Variants in MCC observed in about 807,000 individuals in gnomAD.
MCC encodes colorectal mutant cancer protein.
A neutral mutation model predicts 116.2 loss-of-function variants in MCC; 90 were observed. That is an observed-to-expected ratio of 0.77 (90% CI 0.65 to 0.92). The LOEUF (loss-of-function observed/expected upper bound fraction) is 0.92. Among genes scored for constraint, MCC ranks in the 40% least tolerant of loss-of-function variants. The pLI is 0.00. For synonymous variants in MCC, 578 were observed against 510.5 expected (o/e 1.13, Z -1.78); for missense variants, 1,516 against 1,312.2 (o/e 1.16, Z -2.40).
rs752300335 is a variant in MCC, at chr5:113,434,072, G to A, written c.171-48860C>T. 35 of 1,614,048 alleles carry A rather than the reference G, an allele frequency of 2.2e-5. No individual in the cohort carries two copies. The South Asian group carries it at 3.2e-4, about 15-fold the overall frequency. On this transcript the variant is annotated intron_variant, in intron 1 of 18. Transcript: ENST00000408903. The surrounding 1 kb of genome is among the most constrained non-coding windows in gnomAD (Gnocchi z 4.2). ...CGTCGATGTGGAGCCGCCGGTTGAC[G>A]TCGGGCTGCAGCATGTGGTAGATGA...
chr5:113,059,695 C>G (rs894816370), intron 14 of MCC, among the ~76,000 whole-genome samples: 1 of 152,218 alleles, frequency 6.6e-6, no homozygotes, highest in Non-Finnish European at 1.5e-5. Flanking sequence ...GTGGGTTTCT[C>G]CTTTCCGTGA....
chr5:113,106,688 A>T (rs10043009), intron 6 of MCC, among the ~76,000 whole-genome samples: 83,955 of 151,598 alleles, frequency 0.55, 25,191 homozygotes, highest in African/African-American at 0.8. Flanking sequence ...GCCTCCCAAG[A>T]TGCTGGGACT....
intron 2 of MCC, among the ~76,000 whole-genome samples, chr5:113,344,927 A>T (rs950464281): frequency 1.3e-5 from 2 of 151,808 alleles, no homozygotes; most frequent in Non-Finnish European, 2.9e-5. Flanking sequence ...AGTAAAGAGG[A>T]CTCTGTCTTG....
At chr5:113,049,530 G>C (rs1231135311) in intron 15 of MCC, among the ~76,000 whole-genome samples, 1 of 152,244 alleles carries the variant, frequency 6.6e-6, no homozygotes, top group Non-Finnish European at 1.5e-5. Context: ...CTATGGACTA[G>C]ACCTGAGACA....
At chr5:113,133,715 G>C (rs1025319795) in intron 5 of MCC, among the ~76,000 whole-genome samples, 1 of 152,096 alleles carries the variant, frequency 6.6e-6, no homozygotes, top group African/African-American at 2.4e-5. Context: ...GTCTTACATA[G>C]CAGTTGTAGT....
At chr5:113,040,865 G>T (rs1751661835) in intron 17 of MCC, among the ~76,000 whole-genome samples, 2 of 152,180 alleles carry the variant, frequency 1.3e-5, no homozygotes, top group South Asian at 4.1e-4. Context: ...GTCTCTTTAT[G>T]TTTAGTCAGC....
intron 2 of MCC, among the ~76,000 whole-genome samples, chr5:113,362,591 A>G (rs556657837): frequency 2.0e-5 from 3 of 151,966 alleles, no homozygotes; most frequent in African/African-American, 7.2e-5. Context: ...TCTCATAATG[A>G]TTGTGGATTG....
intron 3 of MCC, among the ~76,000 whole-genome samples, chr5:113,201,605 T>G (rs1762683778): frequency 6.6e-6 from 1 of 152,210 alleles, no homozygotes. Flanking sequence ...GCTTTTGACA[T>G]CCTCATTTTC....
intron 3 of MCC, among the ~76,000 whole-genome samples, chr5:113,202,490 T>C (rs1478178976): frequency 1.3e-5 from 2 of 152,190 alleles, no homozygotes; most frequent in Non-Finnish European, 2.9e-5. Flanking sequence ...ACGTACATAG[T>C]TAGCCTACAG....
At chr5:113,452,668 C>T (rs1175967687) in intron 1 of MCC, among the ~76,000 whole-genome samples, 4 of 152,324 alleles carry the variant, frequency 2.6e-5, no homozygotes, top group African/African-American at 7.2e-5. Context: ...GACTAAGACA[C>T]TATATTTGCA....
intron 3 of MCC, among the ~76,000 whole-genome samples, chr5:113,193,701 C>T (rs952225626): frequency 2.6e-5 from 4 of 152,090 alleles, no homozygotes; most frequent in Admixed American, 6.5e-5. Flanking sequence ...CCTAGGAAAC[C>T]GCTTCATAGC....
chr5:113,335,099 C>T (rs973924488), intron 3 of MCC, among the ~76,000 whole-genome samples: 3 of 151,656 alleles, frequency 2.0e-5, no homozygotes, highest in South Asian at 2.1e-4. Context: ...TTGCTTTAAC[C>T]GCAAAGCTAG....
At chr5:113,343,104 A>C (rs1434426625) in intron 2 of MCC, among the ~76,000 whole-genome samples, 1 of 152,204 alleles carries the variant, frequency 6.6e-6, no homozygotes, top group African/African-American at 2.4e-5. Context: ...AGCAAACTGC[A>C]GTTTGTGTAC....
intron 1 of MCC, among the ~76,000 whole-genome samples, chr5:113,472,963 C>A (rs1013289500): frequency 6.6e-6 from 1 of 152,150 alleles, no homozygotes. Context: ...ATCTAATCAA[C>A]GCATGATGTC....
intron 3 of MCC, among the ~76,000 whole-genome samples, chr5:113,171,823 C>T (rs1020176579): frequency 6.6e-6 from 1 of 152,132 alleles, no homozygotes; most frequent in African/African-American, 2.4e-5. Context: ...GTGATATCTG[C>T]TTGTCACCAG....
At chr5:113,294,566 C>T in intron 3 of MCC, 3 of 1,284,912 alleles carry the variant, frequency 2.3e-6, no homozygotes, top group Non-Finnish European at 3.0e-6. Context: ...AAAGAGCAGC[C>T]GTGGCTCGCG....
At chr5:113,244,588 A>C (rs1223811504) in intron 3 of MCC, among the ~76,000 whole-genome samples, 4 of 152,230 alleles carry the variant, frequency 2.6e-5, no homozygotes, top group Non-Finnish European at 5.9e-5. Flanking sequence ...CTCATGATTG[A>C]AATTTACTTA....
chr5:113,356,726 A>C (rs1768424572), intron 2 of MCC, among the ~76,000 whole-genome samples: 2 of 152,214 alleles, frequency 1.3e-5, no homozygotes, highest in South Asian at 4.1e-4. Context: ...TACCAAAGGC[A>C]CTATGCAACC....
intron 12 of MCC, among the ~76,000 whole-genome samples, chr5:113,070,815 CAAG>C (rs1280392788): frequency 1.3e-5 from 2 of 151,962 alleles, no homozygotes; most frequent in African/African-American, 4.8e-5. Flanking sequence ...TAAAGATCTG[CAAG>C]AAGAAATGAA....
Sources: allele counts gnomAD v4.1 joint callset (sites outside exome capture counted in the v4.1 genomes callset), GRCh38; gene constraint gnomAD v4.1.1; non-coding constraint Gnocchi (gnomAD v3.1); transcripts MANE v1.5; gene names NCBI Gene and HGNC (gene_info 2026-07-23, HGNC 2026-07-21).